ARHGAP8: variants seen among roughly 807,000 people sequenced by gnomAD.
ARHGAP8 encodes rho GTPase-activating protein 8.
A neutral mutation model predicts 46.1 loss-of-function variants in ARHGAP8; 62 were observed. That is an observed-to-expected ratio of 1.34 (90% confidence interval 1.10 to 1.66). The LOEUF (loss-of-function observed/expected upper bound fraction) is 1.66, where lower values mean the gene tolerates loss of function less well. Ranked by LOEUF, ARHGAP8 falls within the 40% of genes most tolerant of loss-of-function variation. ARHGAP8 has a pLI of 0.00. For missense variants in ARHGAP8, 923 were observed against 568.4 expected (o/e 1.62, Z -6.34); for synonymous variants, 375 against 243.1 (o/e 1.54, Z -5.05).
intron 1 of ARHGAP8, among the ~76,000 whole-genome samples, chr22:44,773,100 G>A (rs1926164425): frequency 1.3e-5 from 2 of 152,002 alleles, no homozygotes; most frequent in African/African-American, 4.8e-5. Context: ...ATAGGTGCAA[G>A]CCACCAAGCC....
At chr22:44,809,573 C>T (rs1929193076) in intron 4 of ARHGAP8, 3 of 213,884 alleles carry the variant, frequency 1.4e-5, no homozygotes, top group Admixed American at 5.5e-5. Context: ...CGTGGTCACT[C>T]AGCTTGTGTG....
At chr22:44,801,885 A>G in intron 2 of ARHGAP8, 192 bp from the exon 3 acceptor site, 1 of 610,112 alleles carries the variant, frequency 1.6e-6, no homozygotes, top group South Asian at 2.0e-5. Context: ...CTGGTCATGA[A>G]GATGAACTTG....
intron 2 of ARHGAP8, among the ~76,000 whole-genome samples, chr22:44,800,128 A>G (rs1437236853): frequency 5.1e-5 from 5 of 99,000 alleles, no homozygotes; most frequent in Admixed American, 9.2e-5. Flanking sequence ...TTTTGAGACA[A>G]ATTCTTGCTC....
chr22:44,858,369 G>GTTTTCTTT (rs1481535425), intron 10 of ARHGAP8, among the ~76,000 whole-genome samples: 28 of 142,046 alleles, frequency 2.0e-4, no homozygotes, highest in African/African-American at 7.1e-4. Context: ...GTTGGTGGTG[G>GTTTTCTTT]TTTTTTTTTT....
Position 44,862,544 on chromosome 22 carries a change from C to G in ARHGAP8, c.1251C>G (p.Thr417=), listed in dbSNP as rs1191627695. The change falls in exon 12 of 12, where the codon ACC becomes ACG. Residue 417 remains threonine, a synonymous_variant. Transcript: ENST00000356099. Reference sequence around the variant, plus strand: ...CACGGACACAAGCCACGGGCCTCACCAAGCCTACCCTACCTCCGAGTCCCC... The same window carrying G: ...CACGGACACAAGCCACGGGCCTCACGAAGCCTACCCTACCTCCGAGTCCCC... ...AVPRTQATGL[T]KPTLPPSPLM... 1 of 1,604,018 alleles carries G rather than the reference C, an allele frequency of 6.2e-7. No individual in the cohort carries two copies. The highest frequency in any genetic ancestry group is 1.7e-5 in the Admixed American group (1 of 59,674).
At chr22:44,804,272 G>A (rs1928779626) in intron 3 of ARHGAP8, among the ~76,000 whole-genome samples, 1 of 152,162 alleles carries the variant, frequency 6.6e-6, no homozygotes, top group African/African-American at 2.4e-5. Context: ...TTCATAAGGC[G>A]GCCACCGAGC....
chr22:44,799,675 C>T (rs1928342949), intron 2 of ARHGAP8, among the ~76,000 whole-genome samples: 1 of 152,132 alleles, frequency 6.6e-6, no homozygotes, highest in Admixed American at 6.5e-5. Flanking sequence ...ACCCTTGGCA[C>T]ATGTGCCTCA....
intron 2 of ARHGAP8, among the ~76,000 whole-genome samples, chr22:44,794,463 C>A (rs1015173598): frequency 2.6e-5 from 4 of 152,086 alleles, no homozygotes; most frequent in African/African-American, 7.2e-5. Flanking sequence ...GTAATCCCAG[C>A]ACTTTGGGAG....
At chr22:44,756,359 C>G (rs1015819347) in intron 1 of ARHGAP8, among the ~76,000 whole-genome samples, 10 of 152,158 alleles carry the variant, frequency 6.6e-5, no homozygotes, top group Non-Finnish European at 1.5e-4. Flanking sequence ...CTGAAGGTAC[C>G]TCTGAGGCCC....
rs148022017 is a variant in ARHGAP8 at position 44,791,740 on chromosome 22, G to C, written c.79+5134G>C. On this transcript the variant is annotated intron_variant, in intron 2 of 11. Coordinates refer to ENST00000356099, the MANE Select transcript of ARHGAP8 (RefSeq NM_181335.3). The stretch of plus-strand genomic sequence containing the variant: ...CAAACAAAAATACCCCCAGCTTCTT[G>C]AGAAACTTAACCATATCAAGAGACC... Among the ~76,000 whole-genome samples the C allele has an allele frequency of 4.4e-3, 676 of 152,138 alleles. 4 individuals carry two copies. Among genetic ancestry groups the C allele is most frequent in the African/African-American group, 0.015 (632 of 41,530 alleles).
intron 1 of ARHGAP8, among the ~76,000 whole-genome samples, chr22:44,753,899 C>T (rs951057330): frequency 1.3e-5 from 2 of 152,218 alleles, no homozygotes; most frequent in African/African-American, 4.8e-5. Context: ...GCTTAAGACT[C>T]AGCCGTTTCA....
intron 4 of ARHGAP8, among the ~76,000 whole-genome samples, chr22:44,810,710 G>T (rs1301370013): frequency 6.6e-6 from 1 of 152,224 alleles, no homozygotes; most frequent in Middle Eastern, 3.2e-3. Context: ...ACTGGATTTT[G>T]CTTCTGGTAC....
intron 10 of ARHGAP8, among the ~76,000 whole-genome samples, chr22:44,856,757 T>C (rs1307218045): frequency 1.4e-5 from 2 of 144,040 alleles, no homozygotes; most frequent in East Asian, 3.9e-4. Flanking sequence ...TGACTCTTCC[T>C]GGGAGGCTGA....
At chr22:44,817,764 A>G (rs948004789) in intron 5 of ARHGAP8, among the ~76,000 whole-genome samples, 2 of 152,064 alleles carry the variant, frequency 1.3e-5, no homozygotes, top group African/African-American at 4.8e-5. Context: ...TCAAGATTGC[A>G]CCATTGCACT....
At chr22:44,822,018 G>A (rs923857072) in intron 5 of ARHGAP8, among the ~76,000 whole-genome samples, 1 of 152,262 alleles carries the variant, frequency 6.6e-6, no homozygotes, top group Non-Finnish European at 1.5e-5. Context: ...CTCTGTGCCA[G>A]TGGCTTAGTG....
intron 7 of ARHGAP8, among the ~76,000 whole-genome samples, chr22:44,831,630 C>G (rs1225283013): frequency 6.6e-6 from 1 of 152,020 alleles, no homozygotes; most frequent in East Asian, 1.9e-4. Flanking sequence ...ACCTGGGAGG[C>G]GGAGGTTGCA....
intron 11 of ARHGAP8, among the ~76,000 whole-genome samples, chr22:44,860,762 G>C (rs1008576618): frequency 6.6e-6 from 1 of 151,398 alleles, no homozygotes; most frequent in African/African-American, 2.4e-5. Flanking sequence ...AGCCAACAGG[G>C]GAAGGTTCAA....
chr22:44,817,532 A>G (rs1929837552), intron 5 of ARHGAP8, among the ~76,000 whole-genome samples: 1 of 152,180 alleles, frequency 6.6e-6, no homozygotes, highest in Non-Finnish European at 1.5e-5. Context: ...GGCTGGGCGC[A>G]ATAGCTCACG....
At chr22:44,828,873 C>G (rs1486352394) in intron 7 of ARHGAP8, among the ~76,000 whole-genome samples, 2 of 152,076 alleles carry the variant, frequency 1.3e-5, no homozygotes, top group African/African-American at 2.4e-5. Context: ...ACACAGGGTC[C>G]CAGGGGTGGG....
Sources: gnomAD v4.1 joint callset for allele counts (sites outside exome capture counted in the v4.1 genomes callset) on GRCh38, gnomAD v4.1.1 for gene constraint, MANE v1.5 for transcripts, NCBI Gene and HGNC (gene_info 2026-07-23, HGNC 2026-07-21) for gene names.